The following RUFY3 variants were observed in gnomAD, a reference collection of about 807,000 sequenced individuals.
RUFY3 encodes RUN and FYVE domain containing 3, also known as protein RUFY3.
A neutral mutation model predicts 84.0 loss-of-function variants in RUFY3; 34 were observed. The observed-to-expected ratio is 0.40, with a 90% CI of 0.31 to 0.54. RUFY3 has a LOEUF of 0.54. RUFY3 is among the 20% of genes least tolerant of loss of function. The pLI, the probability that RUFY3 is intolerant of heterozygous loss-of-function variation, is 0.39. For missense variants in RUFY3, 507 were observed against 736.8 expected (o/e 0.69, Z 3.61); for synonymous variants, 242 against 252.9 (o/e 0.96, Z 0.41).
intron 1 of RUFY3, 68 bp from the exon 2 acceptor site, chr4:70,762,451 C>T: frequency 7.1e-7 from 1 of 1,409,432 alleles, no homozygotes; most frequent in Non-Finnish European, 9.7e-7. Flanking sequence ...AAGAATACAA[C>T]TAATACTGAA....
chr4:70,789,671 A>G, intron 12 of RUFY3, 79 bp downstream of exon 12: 1 of 1,489,300 alleles, frequency 6.7e-7, no homozygotes, highest in African/African-American at 1.4e-5. Flanking sequence ...CATTCGGCAA[A>G]TAGAAAATAC....
upstream of RUFY3, among the ~76,000 whole-genome samples, chr4:70,719,026 T>G (rs1328909575): frequency 6.6e-6 from 1 of 152,226 alleles, no homozygotes; most frequent in Non-Finnish European, 1.5e-5. Flanking sequence ...TAGAATTGTT[T>G]TTATAAGTTT....
At chr4:70,738,204 G>A (rs1326665073) in intron 1 of RUFY3, among the ~76,000 whole-genome samples, 2 of 150,930 alleles carry the variant, frequency 1.3e-5, no homozygotes, top group Non-Finnish European at 3.0e-5. Flanking sequence ...GTCTAGGCTG[G>A]TCGCCGCCTC....
At chr4:70,713,976 A>G (rs1741288077) in intron 1 of RUFY3, among the ~76,000 whole-genome samples, 3 of 152,234 alleles carry the variant, frequency 2.0e-5, no homozygotes, top group Admixed American at 2.0e-4. Flanking sequence ...AGCACTTATC[A>G]TAGTGCAGTT....
In RUFY3 at chr4:70,788,888, G is replaced by C. The variant is rs751729518; in HGVS notation, c.1154G>C (p.Cys385Ser). The C allele has an allele frequency of 6.2e-7, 1 of 1,614,204 alleles. No individual in the cohort carries two copies. Among genetic ancestry groups the C allele is most frequent in the Non-Finnish European group, 8.5e-7 (1 of 1,180,042 alleles). The change falls in exon 11 of 18, where the codon TGT (cysteine) becomes TCT (serine). Residue 385 changes from cysteine (C) to serine (S), a missense_variant. Around this residue, in one of 4 missense-constraint regions of RUFY3, gnomAD observed 334 missense variants for 364.1 expected, o/e 0.92. Transcript: ENST00000381006. ...LAMKMLEKDV[C>S]EKQDALVSLR... ...ATGAAGATGCTGGAGAAGGATGTCT[G>C]TGAGAAGCAGGATGCCCTGGTATCT...
chr4:70,791,228 A>G, intron 12 of RUFY3: 2 of 1,612,268 alleles, frequency 1.2e-6, no homozygotes, highest in South Asian at 2.2e-5. Flanking sequence ...TATTTAGTGA[A>G]AAGGATTTGG....
At chr4:70,748,248 C>T (rs1357409112) in intron 1 of RUFY3, among the ~76,000 whole-genome samples, 1 of 152,172 alleles carries the variant, frequency 6.6e-6, no homozygotes, top group African/African-American at 2.4e-5. Context: ...TCTGACTCTA[C>T]CCTACCTGTG....
chr4:70,787,733 A>G (rs571491123), intron 10 of RUFY3, among the ~76,000 whole-genome samples: 76 of 152,306 alleles, frequency 5.0e-4, no homozygotes, highest in Non-Finnish European at 9.1e-4. Flanking sequence ...TTCGTTTTCT[A>G]TAATGCTAAT....
At chr4:70,790,460 C>T (rs781309344) in intron 12 of RUFY3, among the ~76,000 whole-genome samples, 3 of 152,152 alleles carry the variant, frequency 2.0e-5, no homozygotes, top group Non-Finnish European at 4.4e-5. Flanking sequence ...CCAATAGTTC[C>T]ACCAATTAGA....
chr4:70,744,994 G>T (rs1203693529), intron 1 of RUFY3, among the ~76,000 whole-genome samples: 1 of 150,684 alleles, frequency 6.6e-6, no homozygotes. Context: ...TTGCTGTGTT[G>T]CCCAGGCTGG....
At position 70,807,844 on chromosome 4, in the gene RUFY3, T is replaced by G. The variant is rs1279553041; in HGVS notation, c.*1185T>G. Reference sequence around the variant, plus strand: ...CTGAGAACAGTTAGCTCGGAATACTTACATTGTTTTTTGAATAAGGAATTC... The same window carrying G: ...CTGAGAACAGTTAGCTCGGAATACTGACATTGTTTTTTGAATAAGGAATTC... On this transcript the variant is annotated 3_prime_UTR_variant, in exon 18 of 18. Coordinates refer to ENST00000381006, the MANE Select transcript of RUFY3 (RefSeq NM_001037442.4). 2.0e-5 allele frequency among the ~76,000 whole-genome samples: 3 copies of G among 152,124 alleles called. No individual in the cohort carries two copies. Among genetic ancestry groups the G allele is most frequent in the African/African-American group, 7.2e-5 (3 of 41,430 alleles).
At chr4:70,720,904 TG>T (rs1311915997), upstream of RUFY3, among the ~76,000 whole-genome samples, 2 of 150,050 alleles carry the variant, frequency 1.3e-5, no homozygotes, top group Non-Finnish European at 3.0e-5. Flanking sequence ...TGTGTGTGTG[TG>T]TGTGTGTGTG....
At chr4:70,786,385 GT>G (rs111568807) in intron 10 of RUFY3, among the ~76,000 whole-genome samples, 25,413 of 146,762 alleles carry the variant, frequency 0.17, 4,271 homozygotes, top group African/African-American at 0.44. Context: ...TAGAAGAAAG[GT>G]TTTTTTTTTT....
chr4:70,800,104 T>C (rs766106823), intron 14 of RUFY3, 37 bp from the exon 15 acceptor site: 1 of 1,584,384 alleles, frequency 6.3e-7, no homozygotes, highest in Admixed American at 1.8e-5. Flanking sequence ...TTTAGCATTC[T>C]GAATAATTAA....
intron 1 of RUFY3, among the ~76,000 whole-genome samples, chr4:70,741,303 G>T (rs905986446): frequency 6.6e-6 from 1 of 152,076 alleles, no homozygotes; most frequent in Non-Finnish European, 1.5e-5. Flanking sequence ...CCTACACTTA[G>T]AATACAAAGA....
At chr4:70,741,541 G>A (rs1261128370) in intron 1 of RUFY3, 1 of 1,150,024 alleles carries the variant, frequency 8.7e-7, no homozygotes, top group Non-Finnish European at 1.2e-6. Context: ...TTATCCCTTT[G>A]GAAATCTTGT....
chr4:70,796,625 A>G (rs1013345666), intron 14 of RUFY3, among the ~76,000 whole-genome samples: 5 of 152,190 alleles, frequency 3.3e-5, no homozygotes, highest in African/African-American at 1.2e-4. Flanking sequence ...GGTGTTGGCT[A>G]TTGTTTCTAC....
chr4:70,763,570 G>C lies in RUFY3; in HGVS notation c.371G>C (p.Gly124Ala). Reference protein sequence around the residue: ...HGLKAKKTFLGQNKSFWGPLE... With the variant: ...HGLKAKKTFLAQNKSFWGPLE... ...GCCTTAGCTAAAAAAACTTTTCTCG[G>C]ACAAAATAAATCCTTCTGGGGGCCT... The change falls in exon 3 of 18, where the codon GGA becomes GCA. Residue 124 changes from glycine (G) to alanine (A), a missense_variant. Physicochemically the swap from Gly to Ala is moderately conservative, Grantham distance 60. This residue lies in a region of RUFY3 where 133 missense variants were observed against 301.1 expected (regional missense o/e 0.44). Transcript: ENST00000381006. 6.2e-7 allele frequency: 1 copy of C among 1,605,636 alleles called. No homozygotes were observed. Among genetic ancestry groups the C allele is most frequent in the African/African-American group, 1.3e-5 (1 of 74,340 alleles).
intron 7 of RUFY3, among the ~76,000 whole-genome samples, chr4:70,777,019 T>C (rs1728085148): frequency 6.6e-6 from 1 of 152,214 alleles, no homozygotes; most frequent in African/African-American, 2.4e-5. Flanking sequence ...CCTCTATTGT[T>C]TGTGTCATAG....
Sources: gnomAD v4.1 joint callset for allele counts (sites outside exome capture counted in the v4.1 genomes callset) on GRCh38, gnomAD v4.1.1 for gene constraint, gnomAD v4.1.1 regional missense constraint, MANE v1.5 for transcripts, NCBI Gene and HGNC (gene_info 2026-07-23, HGNC 2026-07-21) for gene names.